The following NCALD variants were observed in gnomAD, a reference collection of about 807,000 sequenced individuals.
The protein encoded by NCALD is neurocalcin-delta.
Under a neutral mutation model 18.6 loss-of-function variants are expected in NCALD, and 10 were observed. The observed-to-expected ratio is 0.54, with a 90% confidence interval of 0.33 to 0.91. The LOEUF (loss-of-function observed/expected upper bound fraction) is 0.91. Among genes scored for constraint, NCALD ranks in the 40% least tolerant of loss-of-function variants. The pLI, the probability that NCALD is intolerant of heterozygous loss-of-function variation, is 0.03. For synonymous variants in NCALD, 88 were observed against 87.4 expected (o/e 1.01, Z -0.04); for missense variants, 184 against 247.6 (o/e 0.74, Z 1.72).
At chr8:102,079,314 C>A (rs527322820) in intron 1 of NCALD, among the ~76,000 whole-genome samples, 7 of 152,198 alleles carry the variant, frequency 4.6e-5, no homozygotes, top group Admixed American at 2.0e-4. Context: ...AACTAGCAAA[C>A]GCATCCTGGC....
chr8:101,754,257 C>T (rs1810780003), intron 1 of NCALD, among the ~76,000 whole-genome samples: 1 of 152,152 alleles, frequency 6.6e-6, no homozygotes, highest in Non-Finnish European at 1.5e-5. Flanking sequence ...ATGTTGGAAA[C>T]TGTTGGATGT....
intron 4 of NCALD, among the ~76,000 whole-genome samples, chr8:101,796,477 CA>C (rs1218300896): frequency 1.3e-5 from 2 of 151,642 alleles, no homozygotes; most frequent in Non-Finnish European, 2.9e-5. Context: ...AATCCTCACG[CA>C]AAAATGAAAT....
intron 4 of NCALD, among the ~76,000 whole-genome samples, chr8:101,822,537 G>A (rs1026206956): frequency 2.0e-5 from 3 of 152,146 alleles, no homozygotes; most frequent in South Asian, 2.1e-4. Flanking sequence ...TGGAAAGGGC[G>A]AAGAGGGAGA....
At chr8:101,705,330 A>T (rs893421338) in intron 2 of NCALD, among the ~76,000 whole-genome samples, 1 of 152,244 alleles carries the variant, frequency 6.6e-6, no homozygotes, top group Non-Finnish European at 1.5e-5. Flanking sequence ...AAACATGGTT[A>T]ACATGATCAT....
At chr8:101,912,627 T>C (rs1817840814) in intron 3 of NCALD, among the ~76,000 whole-genome samples, 1 of 152,240 alleles carries the variant, frequency 6.6e-6, no homozygotes, top group Non-Finnish European at 1.5e-5. Flanking sequence ...AGCAAGCATT[T>C]CTGATTTGCC....
intron 3 of NCALD, among the ~76,000 whole-genome samples, chr8:101,893,240 A>G (rs917939840): frequency 6.6e-6 from 1 of 151,780 alleles, no homozygotes; most frequent in Non-Finnish European, 1.5e-5. Context: ...TTGTCAACCC[A>G]GAATTTCATA....
At chr8:102,105,990 T>C (rs1371264382) in intron 1 of NCALD, among the ~76,000 whole-genome samples, 1 of 152,094 alleles carries the variant, frequency 6.6e-6, no homozygotes, top group Non-Finnish European at 1.5e-5. Context: ...GTAGTAGTCA[T>C]TGCTACAAGA....
intron 4 of NCALD, among the ~76,000 whole-genome samples, chr8:101,799,937 T>C (rs1812779495): frequency 6.6e-6 from 1 of 152,210 alleles, no homozygotes; most frequent in Non-Finnish European, 1.5e-5. Context: ...GTAAAAGGCA[T>C]ATGGGTTCTC....
intron 2 of NCALD, among the ~76,000 whole-genome samples, chr8:102,018,122 T>C (rs571635500): frequency 6.6e-6 from 1 of 152,366 alleles, no homozygotes; most frequent in African/African-American, 2.4e-5. Flanking sequence ...AACTTTCATA[T>C]ATTGCTGATT....
intron 2 of NCALD, among the ~76,000 whole-genome samples, chr8:101,955,531 GTAAGT>G (rs1819591752): frequency 6.6e-6 from 1 of 152,292 alleles, no homozygotes; most frequent in Non-Finnish European, 1.5e-5. Flanking sequence ...AAAACAGGCA[GTAAGT>G]TAAGGACTCT....
intron 2 of NCALD, among the ~76,000 whole-genome samples, chr8:101,981,031 T>A (rs755449616): frequency 2.0e-5 from 3 of 152,254 alleles, no homozygotes; most frequent in Non-Finnish European, 4.4e-5. Context: ...GGAAGATAAG[T>A]ACAGTTTTGT....
At chr8:101,823,086 C>T (rs937018812) in intron 4 of NCALD, among the ~76,000 whole-genome samples, 3 of 151,204 alleles carry the variant, frequency 2.0e-5, no homozygotes, top group Non-Finnish European at 4.4e-5. Flanking sequence ...TAAAAATATC[C>T]TCTAATACTT....
chr8:102,006,542 C>A (rs1421944507), intron 2 of NCALD, among the ~76,000 whole-genome samples: 2 of 152,176 alleles, frequency 1.3e-5, no homozygotes, highest in African/African-American at 2.4e-5. Flanking sequence ...ATGGTCCATT[C>A]CCTGCCCTCT....
In NCALD at chr8:101,734,108, G is replaced by A. The variant is rs113802537; in HGVS notation, c.-19-14460C>T. ...ATGTTAGCAGTGCCCCAGGAGCAGG[G>A]AGGAGTTGCTTGGATCACTGCCTCT... is the stretch of plus-strand genomic sequence containing the variant. On this transcript the variant is annotated intron_variant, in intron 1 of 3. Transcript: ENST00000220931. Among the ~76,000 whole-genome samples, 723 of 152,284 alleles carry A rather than the reference G, an allele frequency of 4.7e-3. 5 individuals are homozygous for A. Among genetic ancestry groups the A allele is most frequent in the African/African-American group, 0.017 (703 of 41,556 alleles).
intron 4 of NCALD, among the ~76,000 whole-genome samples, chr8:101,870,485 T>G (rs1171084636): frequency 6.6e-6 from 1 of 152,162 alleles, no homozygotes; most frequent in Non-Finnish European, 1.5e-5. Flanking sequence ...CTTTTTTTTG[T>G]TGTTCTGGTG....
intron 2 of NCALD, among the ~76,000 whole-genome samples, chr8:101,717,335 C>G (rs1178459591): frequency 6.6e-6 from 1 of 152,192 alleles, no homozygotes; most frequent in African/African-American, 2.4e-5. Flanking sequence ...CATTCATTGT[C>G]AAGCTTAATT....
At chr8:101,803,898 A>C (rs1413020389) in intron 4 of NCALD, among the ~76,000 whole-genome samples, 2 of 152,250 alleles carry the variant, frequency 1.3e-5, no homozygotes, top group Non-Finnish European at 2.9e-5. Flanking sequence ...CCAATTTTCT[A>C]CTATGGGTAA....
At chr8:102,105,210 T>C (rs1195826973) in intron 1 of NCALD, among the ~76,000 whole-genome samples, 1 of 152,214 alleles carries the variant, frequency 6.6e-6, no homozygotes, top group East Asian at 1.9e-4. Flanking sequence ...AGATACAGAC[T>C]GTATAGCTAT....
chr8:101,754,908 A>G (rs1257292176), intron 1 of NCALD, among the ~76,000 whole-genome samples: 1 of 152,262 alleles, frequency 6.6e-6, no homozygotes, highest in Non-Finnish European at 1.5e-5. Context: ...CAGTCAAAAA[A>G]TAAATGGATG....
Sources: gnomAD v4.1 joint callset for allele counts (sites outside exome capture counted in the v4.1 genomes callset) on GRCh38, gnomAD v4.1.1 for gene constraint, MANE v1.5 for transcripts, NCBI Gene and HGNC (gene_info 2026-07-23, HGNC 2026-07-21) for gene names.